NTM: variants seen among roughly 807,000 people sequenced by gnomAD.
NTM encodes the protein neurotrimin, also known as IgLON family member 2.
In NTM, 13 loss-of-function variants were observed where a neutral mutation model predicts 42.1. The observed-to-expected ratio is 0.31, with a 90% CI of 0.20 to 0.49. NTM has a LOEUF of 0.49. Ranked by LOEUF, NTM falls within the 20% of genes least tolerant of loss-of-function variation. NTM has a pLI of 0.99. For missense variants in NTM, 373 were observed against 452.8 expected, an observed-to-expected ratio of 0.82 and a Z score of 1.60; for synonymous variants, 187 against 179.2, an observed-to-expected ratio of 1.04 and a Z score of -0.35.
At position 131,601,165 on chromosome 11, in the gene NTM, C is replaced by A. The variant is rs373061518; in HGVS notation, c.82+230277C>A. 4.3e-4 allele frequency among the ~76,000 whole-genome samples: 65 copies of A among 152,338 alleles called. 2 individuals carry two copies. The highest frequency in any genetic ancestry group is 1.5e-3 in the African/African-American group (63 of 41,572). ...GTGGGCCACGCCCTTTCAACCTCAA[C>A]CTCTGATTTGGCTTGGACAGCTCTG... On this transcript the variant is annotated intron_variant, in intron 1 of 8. Coordinates refer to ENST00000683400, the MANE Select transcript of NTM (RefSeq NM_001352005.2).
intron 1 of NTM, among the ~76,000 whole-genome samples, chr11:131,829,032 C>T (rs746107178): frequency 9.2e-5 from 14 of 152,018 alleles, no homozygotes; most frequent in Non-Finnish European, 1.9e-4. Context: ...CACAAGCACT[C>T]ACACATACTT....
intron 1 of NTM, among the ~76,000 whole-genome samples, chr11:131,876,158 G>A (rs1158590297): frequency 6.6e-6 from 1 of 152,006 alleles, no homozygotes; most frequent in Admixed American, 6.6e-5. Flanking sequence ...TTCTCCAAGA[G>A]TCAGCACTCC....
chr11:131,939,962 C>T (rs2059622655), intron 2 of NTM, among the ~76,000 whole-genome samples: 2 of 152,192 alleles, frequency 1.3e-5, no homozygotes, highest in South Asian at 4.1e-4. Flanking sequence ...TGGGCTACTT[C>T]ATTACCCTTA....
chr11:131,532,386 G>A (rs1437227488), intron 1 of NTM, among the ~76,000 whole-genome samples: 2 of 152,134 alleles, frequency 1.3e-5, no homozygotes, highest in Non-Finnish European at 2.9e-5. Context: ...ATGTTGTAGC[G>A]GGTATCGGAA....
chr11:131,968,116 A>G (rs974834523), intron 2 of NTM, among the ~76,000 whole-genome samples: 9 of 152,208 alleles, frequency 5.9e-5, no homozygotes, highest in African/African-American at 2.2e-4. Context: ...ACCTTTATAC[A>G]ATTATCACAA....
At chr11:131,787,847 T>C (rs2089527024) in intron 1 of NTM, among the ~76,000 whole-genome samples, 1 of 152,244 alleles carries the variant, frequency 6.6e-6, no homozygotes, top group Non-Finnish European at 1.5e-5. Flanking sequence ...GTTCAGCGTT[T>C]CTACTTTCTA....
intron 1 of NTM, among the ~76,000 whole-genome samples, chr11:131,493,995 C>T (rs1290951056): frequency 1.3e-5 from 2 of 152,142 alleles, no homozygotes; most frequent in Non-Finnish European, 1.5e-5. Context: ...TGCTAAATAT[C>T]TGTCATTCAG....
chr11:131,556,121 G>A (rs145093953), intron 1 of NTM, among the ~76,000 whole-genome samples: 2,953 of 152,292 alleles, frequency 0.019, 100 homozygotes, highest in African/African-American at 0.067. Context: ...AAGACAGACA[G>A]ACAGAAGATT....
intron 1 of NTM, among the ~76,000 whole-genome samples, chr11:131,523,187 G>A (rs1394851778): frequency 2.0e-5 from 3 of 152,166 alleles, no homozygotes; most frequent in African/African-American, 7.2e-5. Context: ...TCTCAGTGTA[G>A]GTTCTAGAAA....
chr11:131,596,833 A>C (rs1484680659), intron 1 of NTM, among the ~76,000 whole-genome samples: 1 of 152,218 alleles, frequency 6.6e-6, no homozygotes, highest in East Asian at 1.9e-4. Context: ...ATATGAGTTT[A>C]TTAAGTATTA....
At chr11:131,856,959 C>CA (rs2046168333) in intron 1 of NTM, among the ~76,000 whole-genome samples, 1 of 152,164 alleles carries the variant, frequency 6.6e-6, no homozygotes, top group Non-Finnish European at 1.5e-5. Context: ...TGTACTTTTT[C>CA]CTTTTTTCTC....
chr11:132,250,806 A>G (rs374694372), intron 4 of NTM, among the ~76,000 whole-genome samples: 4 of 151,876 alleles, frequency 2.6e-5, no homozygotes, highest in African/African-American at 9.7e-5. Flanking sequence ...TTATATAAAG[A>G]TATTTGTTTT....
At chr11:131,668,211 C>A (rs1024177033) in intron 1 of NTM, among the ~76,000 whole-genome samples, 2 of 151,962 alleles carry the variant, frequency 1.3e-5, no homozygotes, top group African/African-American at 2.4e-5. Flanking sequence ...ACTTTGGAAG[C>A]ACTTTGTGTC....
chr11:131,797,319 T>C (rs559721326), intron 1 of NTM, among the ~76,000 whole-genome samples: 1 of 152,314 alleles, frequency 6.6e-6, no homozygotes, highest in South Asian at 2.1e-4. Context: ...ACATTTGCTC[T>C]AGGTGGGACT....
At chr11:132,098,096 T>C (rs1193300835) in intron 2 of NTM, among the ~76,000 whole-genome samples, 1 of 152,248 alleles carries the variant, frequency 6.6e-6, no homozygotes, top group Non-Finnish European at 1.5e-5. Context: ...TTAAAACAGC[T>C]AGGATATTCT....
chr11:131,511,343 A>C (rs560024951), intron 1 of NTM, among the ~76,000 whole-genome samples: 44 of 152,322 alleles, frequency 2.9e-4, no homozygotes, highest in African/African-American at 1.0e-3. Context: ...GGAAGAGTGC[A>C]GCAGTGCCAT....
intron 1 of NTM, among the ~76,000 whole-genome samples, chr11:131,435,935 G>A (rs1949087353): frequency 6.6e-6 from 1 of 152,144 alleles, no homozygotes; most frequent in Non-Finnish European, 1.5e-5. Flanking sequence ...GTCATAAATA[G>A]CTTTTATTAT....
At chr11:131,417,092 T>A (rs1007230718) in intron 1 of NTM, among the ~76,000 whole-genome samples, 1 of 152,332 alleles carries the variant, frequency 6.6e-6, no homozygotes, top group Admixed American at 6.5e-5. Flanking sequence ...TTTCTCAGGA[T>A]CTACTAAACT....
chr11:131,742,357 A>G (rs541922053), intron 1 of NTM, among the ~76,000 whole-genome samples: 6 of 152,282 alleles, frequency 3.9e-5, no homozygotes, highest in South Asian at 2.1e-4. Flanking sequence ...TGTTTATTTC[A>G]TTGCTCGTGT....
Sources: gnomAD v4.1 joint callset for allele counts (sites outside exome capture counted in the v4.1 genomes callset) on GRCh38, gnomAD v4.1.1 for gene constraint, MANE v1.5 for transcripts, NCBI Gene and HGNC (gene_info 2026-07-23, HGNC 2026-07-21) for gene names.